The following PAK1 variants were observed in gnomAD, a reference collection of about 807,000 sequenced individuals.
PAK1 encodes the protein p21 (RAC1) activated kinase 1, also known as serine/threonine-protein kinase PAK 1.
A neutral mutation model predicts 67.4 loss-of-function variants in PAK1; 29 were observed. The observed-to-expected ratio is 0.43, with a 90% CI of 0.32 to 0.59. The LOEUF (loss-of-function observed/expected upper bound fraction) is 0.59. Ranked by LOEUF, PAK1 falls within the 20% of genes least tolerant of loss-of-function variation. The pLI is 0.07. For missense variants in PAK1, 337 were observed against 670.7 expected (o/e 0.50, Z 5.50); for synonymous variants, 223 against 237.4 (o/e 0.94, Z 0.56).
chr11:77,489,595 C>T, the PAK1 span, among the ~76,000 whole-genome samples: 4 of 152,142 alleles, frequency 2.6e-5, no homozygotes, highest in African/African-American at 2.4e-5. Context: ...ATTGCAGGCG[C>T]GCGCCGCCAC....
chr11:77,329,598 C>A (rs11237168), intron 14 of PAK1, among the ~76,000 whole-genome samples: 53,475 of 151,568 alleles, frequency 0.35, 9,605 homozygotes, highest in South Asian at 0.51. Flanking sequence ...TCATGCTAAA[C>A]ACTCTCAATA....
chr11:77,501,066 G>A, the PAK1 span, among the ~76,000 whole-genome samples: 94 of 151,852 alleles, frequency 6.2e-4, 1 homozygote, highest in Middle Eastern at 0.01. Context: ...CAGGAGAATC[G>A]CTTGAACCCA....
the PAK1 span, among the ~76,000 whole-genome samples, chr11:77,494,753 C>A: frequency 1.3e-5 from 2 of 152,158 alleles, no homozygotes; most frequent in African/African-American, 4.8e-5. Flanking sequence ...GGCATGATGA[C>A]TCACACCTGT....
chr11:77,466,276 T>C (rs937060201), intron 1 of PAK1, among the ~76,000 whole-genome samples: 5 of 152,174 alleles, frequency 3.3e-5, no homozygotes, highest in African/African-American at 1.2e-4. Context: ...GACGGTTAAG[T>C]GACTTGCTGT....
chr11:77,335,648 A>G (rs1251990476), intron 13 of PAK1, among the ~76,000 whole-genome samples: 1 of 152,210 alleles, frequency 6.6e-6, no homozygotes, highest in East Asian at 1.9e-4. Context: ...GATCTGTTTA[A>G]AACATAAATC....
intron 1 of PAK1, among the ~76,000 whole-genome samples, chr11:77,465,873 C>A (rs780536535): frequency 5.7e-4 from 86 of 152,174 alleles, no homozygotes; most frequent in Non-Finnish European, 1.0e-3. Context: ...TGCTTGAGCC[C>A]GGGAGGGCAG....
At position 77,379,307 on chromosome 11, in the gene PAK1, G is replaced by A. The variant is rs1426661169; in HGVS notation, c.373C>T (p.Leu125=). Residue 125 remains leucine (L), a synonymous_variant, in exon 4 of 15, where the codon CTG becomes TTG. Coordinates refer to ENST00000356341, the MANE Select transcript of PAK1 (RefSeq NM_002576.5). ...GAGTTGTAAAACTCCAACACATCCA[G>A]AACAGCCTGCGGGTTTTTCTTCTGC... ...SEQKKNPQAV[L]DVLEFYNSKK... The A allele has an allele frequency of 3.5e-5, 56 of 1,613,846 alleles. No individual in the cohort carries two copies. Among genetic ancestry groups the A allele is most frequent in the Non-Finnish European group, 4.6e-5 (54 of 1,179,956 alleles).
chr11:77,490,340 GC>G, the PAK1 span, among the ~76,000 whole-genome samples: 1 of 50,564 alleles, frequency 2.0e-5, no homozygotes, highest in Non-Finnish European at 4.1e-5. Context: ...GGGGGGGTCA[GC>G]CCCCCACCCG....
At chr11:77,378,684 C>T (rs1423034022) in intron 4 of PAK1, among the ~76,000 whole-genome samples, 1 of 152,094 alleles carries the variant, frequency 6.6e-6, no homozygotes, top group Non-Finnish European at 1.5e-5. Flanking sequence ...ACCTCCCAGG[C>T]TCAAGTGATC....
chr11:77,456,846 G>A (rs1239314182), intron 1 of PAK1, among the ~76,000 whole-genome samples: 2 of 151,758 alleles, frequency 1.3e-5, no homozygotes, highest in South Asian at 2.1e-4. Flanking sequence ...GGTTCATGCC[G>A]TTTTTCTGCC....
chr11:77,509,527 A>G, the PAK1 span, among the ~76,000 whole-genome samples: 8 of 152,192 alleles, frequency 5.3e-5, no homozygotes, highest in East Asian at 1.9e-4. Context: ...TTTGCCTCCT[A>G]CTGTTCATGG....
chr11:77,502,465 A>G, the PAK1 span, among the ~76,000 whole-genome samples: 2 of 152,228 alleles, frequency 1.3e-5, no homozygotes, highest in African/African-American at 4.8e-5. Context: ...TAAATCTTTC[A>G]TCATTTCCTT....
intron 1 of PAK1, among the ~76,000 whole-genome samples, chr11:77,437,027 T>C (rs1207057587): frequency 1.3e-5 from 2 of 152,204 alleles, no homozygotes; most frequent in Non-Finnish European, 2.9e-5. Context: ...AGTACTGTTC[T>C]GAGGATAAAA....
chr11:77,379,302 A>G lies in PAK1; in HGVS notation c.378T>C (p.Asp126=). 2 of 1,614,020 alleles carry G rather than the reference A, an allele frequency of 1.2e-6. No individual in the cohort carries two copies. The highest frequency in any genetic ancestry group is 4.5e-5 in the East Asian group (2 of 44,880). ...EQKKNPQAVL[D]VLEFYNSKKT... ...TCTTCGAGTTGTAAAACTCCAACACATCCAGAACAGCCTGCGGGTTTTTCT... is the reference window on the plus strand; with the variant it reads ...TCTTCGAGTTGTAAAACTCCAACACGTCCAGAACAGCCTGCGGGTTTTTCT... Residue 126 remains aspartate, a synonymous_variant, in exon 4 of 15, where the codon GAT becomes GAC. Transcript: ENST00000356341.
the PAK1 span, among the ~76,000 whole-genome samples, chr11:77,528,324 A>T: frequency 2.0e-5 from 3 of 151,250 alleles, no homozygotes; most frequent in African/African-American, 7.4e-5. Flanking sequence ...TCTCCAAAAA[A>T]TAACTTTTTT....
intron 1 of PAK1, among the ~76,000 whole-genome samples, chr11:77,427,946 G>C (rs1249520573): frequency 6.6e-6 from 1 of 152,242 alleles, no homozygotes; most frequent in East Asian, 1.9e-4. Context: ...CAGAGGAGAG[G>C]ATAAAGGCAA....
the PAK1 span, among the ~76,000 whole-genome samples, chr11:77,493,578 C>T: frequency 6.6e-6 from 1 of 150,838 alleles, no homozygotes; most frequent in Non-Finnish European, 1.5e-5. Flanking sequence ...CAGACGTCAG[C>T]CACCATGCCT....
At chr11:77,406,891 A>G (rs1223228860) in intron 1 of PAK1, among the ~76,000 whole-genome samples, 1 of 152,226 alleles carries the variant, frequency 6.6e-6, no homozygotes, top group Non-Finnish European at 1.5e-5. Flanking sequence ...ATTAACCACA[A>G]TAACAATACA....
At chr11:77,328,267 G>A (rs1293895813) in intron 14 of PAK1, among the ~76,000 whole-genome samples, 1 of 152,160 alleles carries the variant, frequency 6.6e-6, no homozygotes, top group Non-Finnish European at 1.5e-5. Context: ...ATTGAACTCA[G>A]CTCTGCAACA....
Sources: gnomAD v4.1 joint callset for allele counts (sites outside exome capture counted in the v4.1 genomes callset) on GRCh38, gnomAD v4.1.1 for gene constraint, MANE v1.5 for transcripts, NCBI Gene and HGNC (gene_info 2026-07-23, HGNC 2026-07-21) for gene names.